The following CNTNAP2 variants were observed in gnomAD, a reference collection of about 807,000 sequenced individuals.
CNTNAP2 encodes the protein contactin-associated protein-like 2.
CNTNAP2 carries 98 observed loss-of-function variants against 155.2 expected under a neutral mutation model. That is an observed-to-expected ratio of 0.63 (90% confidence interval 0.54 to 0.75). The LOEUF (loss-of-function observed/expected upper bound fraction) is 0.75, where lower values mean the gene tolerates loss of function less well. Ranked by LOEUF, CNTNAP2 falls within the 30% of genes least tolerant of loss-of-function variation. CNTNAP2 has a pLI of 0.00. For missense variants in CNTNAP2, 1,727 were observed against 1,688.1 expected, an observed-to-expected ratio of 1.02 and a Z score of -0.40; for synonymous variants, 651 against 631.2, an observed-to-expected ratio of 1.03 and a Z score of -0.47.
intron 18 of CNTNAP2, chr7:148,190,629 C>T (rs1167903991): frequency 5.3e-5 from 8 of 152,200 alleles, no homozygotes; most frequent in Non-Finnish European, 7.3e-5. Flanking sequence ...TGGCAGAAGT[C>T]CCACAATCGG....
At chr7:146,590,418 C>T (rs1177955460) in intron 1 of CNTNAP2, among the ~76,000 whole-genome samples, 1 of 152,036 alleles carries the variant, frequency 6.6e-6, no homozygotes, top group African/African-American at 2.4e-5. Flanking sequence ...AATGATCATG[C>T]CTGTCCACCC....
intron 18 of CNTNAP2, among the ~76,000 whole-genome samples, chr7:148,204,742 G>A (rs887618457): frequency 1.3e-5 from 2 of 152,184 alleles, no homozygotes; most frequent in Non-Finnish European, 2.9e-5. Flanking sequence ...AAATCGCTTT[G>A]TGGGTTTCTG....
intron 1 of CNTNAP2, among the ~76,000 whole-genome samples, chr7:146,749,039 T>C (rs894006952): frequency 6.6e-6 from 1 of 152,194 alleles, no homozygotes; most frequent in African/African-American, 2.4e-5. Flanking sequence ...ATGTGTCAGG[T>C]ATTATGAAAG....
chr7:146,860,979 G>T (rs183673729), intron 3 of CNTNAP2, among the ~76,000 whole-genome samples: 1 of 151,988 alleles, frequency 6.6e-6, no homozygotes, highest in Non-Finnish European at 1.5e-5. Flanking sequence ...AAAATTATAG[G>T]CTAGAATTTT....
At chr7:147,976,131 T>A (rs1050085524) in intron 14 of CNTNAP2, among the ~76,000 whole-genome samples, 1 of 152,164 alleles carries the variant, frequency 6.6e-6, no homozygotes, top group Non-Finnish European at 1.5e-5. Context: ...ATTGTGAAAA[T>A]TATTCTTAGC....
chr7:146,144,429 G>C (rs1797927785), intron 1 of CNTNAP2, among the ~76,000 whole-genome samples: 1 of 152,154 alleles, frequency 6.6e-6, no homozygotes, highest in Non-Finnish European at 1.5e-5. Flanking sequence ...TAGGATTATA[G>C]ATGTGAGCTA....
chr7:147,967,892 C>T (rs1801250872), intron 14 of CNTNAP2, among the ~76,000 whole-genome samples: 1 of 151,850 alleles, frequency 6.6e-6, no homozygotes, highest in South Asian at 2.1e-4. Context: ...ATAATAAGCC[C>T]CAATTACAGA....
chr7:148,113,203 G>T (rs192378790), intron 15 of CNTNAP2, among the ~76,000 whole-genome samples: 115 of 152,308 alleles, frequency 7.6e-4, no homozygotes, highest in East Asian at 5.8e-4. Context: ...TGTACAGGAA[G>T]CATGATGCTG....
At chr7:146,267,960 A>G (rs1432225627) in intron 1 of CNTNAP2, among the ~76,000 whole-genome samples, 1 of 152,232 alleles carries the variant, frequency 6.6e-6, no homozygotes, top group Non-Finnish European at 1.5e-5. Flanking sequence ...CAACATGAGA[A>G]AGCAACAATC....
At chr7:147,536,156 A>C (rs1381818354) in intron 11 of CNTNAP2, among the ~76,000 whole-genome samples, 1 of 147,874 alleles carries the variant, frequency 6.8e-6, no homozygotes, top group African/African-American at 2.7e-5. Context: ...TCTGAAATTT[A>C]ACATGTTTCT....
At chr7:147,790,886 T>A (rs890313433) in intron 13 of CNTNAP2, among the ~76,000 whole-genome samples, 1 of 152,246 alleles carries the variant, frequency 6.6e-6, no homozygotes, top group Non-Finnish European at 1.5e-5. Flanking sequence ...CCACATCTCC[T>A]AGGACTGATC....
At chr7:146,175,184 G>C (rs1216871190) in intron 1 of CNTNAP2, among the ~76,000 whole-genome samples, 1 of 152,184 alleles carries the variant, frequency 6.6e-6, no homozygotes, top group Non-Finnish European at 1.5e-5. Flanking sequence ...TGGATCCCCA[G>C]AGGCAGAGTC....
chr7:146,478,933 G>C (rs192671510), intron 1 of CNTNAP2, among the ~76,000 whole-genome samples: 168 of 152,106 alleles, frequency 1.1e-3, no homozygotes, highest in Non-Finnish European at 1.6e-3. Context: ...CAACAAATAG[G>C]ACCGATTATT....
chr7:146,408,375 C>G (rs1397985552), intron 1 of CNTNAP2, among the ~76,000 whole-genome samples: 2 of 152,056 alleles, frequency 1.3e-5, no homozygotes, highest in African/African-American at 4.8e-5. Context: ...CATTCTTTAG[C>G]ACAGAAGGGA....
At chr7:147,177,508 C>G (rs772714299) in intron 8 of CNTNAP2, among the ~76,000 whole-genome samples, 2 of 152,120 alleles carry the variant, frequency 1.3e-5, no homozygotes, top group Non-Finnish European at 2.9e-5. Context: ...TTATAAATTA[C>G]CCGTTCTCAG....
In CNTNAP2 at chr7:148,217,332, T is replaced by A; in HGVS notation, c.3055T>A (p.Phe1019Ile). 6.2e-7 allele frequency: 1 copy of A among 1,614,086 alleles called. No individual in the cohort carries two copies. The highest frequency in any genetic ancestry group is 8.5e-7 in the Non-Finnish European group (1 of 1,179,998). The change falls in exon 19 of 24, where the codon TTT becomes ATT. Residue 1019 changes from phenylalanine to isoleucine, a missense_variant. Coordinates refer to ENST00000361727, the MANE Select transcript of CNTNAP2 (RefSeq NM_014141.6). ...FEEGMWLRYN[F>I]QAPATNARDS... is the part of the protein sequence containing the mutation. ...AGAAGGGATGTGGCTACGATATAAC[T>A]TTCAGGCACCAGCAACAAATGCCAG... is the stretch of plus-strand genomic sequence containing the variant.
intron 13 of CNTNAP2, among the ~76,000 whole-genome samples, chr7:147,667,845 A>G (rs931041748): frequency 1.3e-5 from 2 of 151,804 alleles, no homozygotes; most frequent in African/African-American, 2.4e-5. Flanking sequence ...AAAGATACCA[A>G]TGCAATTCTG....
intron 3 of CNTNAP2, among the ~76,000 whole-genome samples, chr7:146,899,898 A>T (rs1469128803): frequency 6.6e-6 from 1 of 152,188 alleles, no homozygotes; most frequent in African/African-American, 2.4e-5. Context: ...GAGCTTTTGG[A>T]TATTAACCAG....
chr7:146,840,954 G>A (rs1040489027), intron 3 of CNTNAP2, among the ~76,000 whole-genome samples: 6 of 152,194 alleles, frequency 3.9e-5, no homozygotes, highest in African/African-American at 9.6e-5. Flanking sequence ...GTATTAGGAT[G>A]TATAAGTTAC....
Sources: gnomAD v4.1 joint callset for allele counts (sites outside exome capture counted in the v4.1 genomes callset) on GRCh38, gnomAD v4.1.1 for gene constraint, MANE v1.5 for transcripts, NCBI Gene and HGNC (gene_info 2026-07-23, HGNC 2026-07-21) for gene names.